Variants in AOAH observed in about 807,000 individuals in gnomAD.
AOAH encodes acyloxyacyl hydrolase.
A neutral mutation model predicts 92.2 loss-of-function variants in AOAH; 64 were observed. The ratio of observed to expected loss-of-function variants is 0.69; its 90% CI spans 0.57 to 0.86. AOAH has a LOEUF of 0.86. Among genes scored for constraint, AOAH ranks in the 40% least tolerant of loss-of-function variants. AOAH has a pLI of 0.00. For missense variants in AOAH, 656 were observed against 694.6 expected, an observed-to-expected ratio of 0.94 and a Z score of 0.62; for synonymous variants, 263 against 254.5, an observed-to-expected ratio of 1.03 and a Z score of -0.32.
chr7:36,537,496 C>T (rs1283224450), intron 16 of AOAH, among the ~76,000 whole-genome samples: 1 of 129,394 alleles, frequency 7.7e-6, no homozygotes, highest in Non-Finnish European at 1.6e-5. Context: ...ATGCTAGTTG[C>T]ACCCCTCTTG....
At chr7:36,595,061 T>C (rs1028495060) in intron 11 of AOAH, among the ~76,000 whole-genome samples, 1 of 152,234 alleles carries the variant, frequency 6.6e-6, no homozygotes, top group African/African-American at 2.4e-5. Context: ...AGGATTCATT[T>C]GAACCACATT....
intron 2 of AOAH, among the ~76,000 whole-genome samples, chr7:36,677,546 T>C (rs963269680): frequency 2.0e-4 from 31 of 152,206 alleles, no homozygotes; most frequent in Admixed American, 4.6e-4. Context: ...CTGTTTAACA[T>C]AGAGTTACTA....
intron 3 of AOAH, among the ~76,000 whole-genome samples, chr7:36,667,686 T>C (rs1003544636): frequency 6.6e-6 from 1 of 152,214 alleles, no homozygotes; most frequent in Non-Finnish European, 1.5e-5. Context: ...GATTCATCTA[T>C]TTATCCTTGC....
rs1246597835 is a variant in AOAH at position 36,532,377 on chromosome 7, C to CA, written c.1307-34dup. ...ACAGAGAGGTCTGGTAGATTGCATC[C>CA]ACTCGGCAATAGCAGCATTTAGAGG... On this transcript the variant is annotated intron_variant, in intron 16 of 20. Coordinates refer to ENST00000617537, the MANE Select transcript of AOAH (RefSeq NM_001637.4). 2.1e-5 allele frequency: 33 copies of CA among 1,608,812 alleles called. No homozygotes were observed. In the African/African-American group the frequency reaches 3.1e-4, roughly 15 times the overall value.
intron 2 of AOAH, among the ~76,000 whole-genome samples, chr7:36,676,402 C>CA (rs1254388830): frequency 6.6e-6 from 1 of 151,862 alleles, no homozygotes; most frequent in Non-Finnish European, 1.5e-5. Flanking sequence ...CAAACTTAAC[C>CA]AAAAAAAGTG....
chr7:36,631,587 T>C (rs902883100), intron 6 of AOAH, among the ~76,000 whole-genome samples: 2 of 152,210 alleles, frequency 1.3e-5, no homozygotes, highest in African/African-American at 4.8e-5. Flanking sequence ...AGCCAGATTT[T>C]TCATGTAATA....
At position 36,520,876 on chromosome 7, in the gene AOAH, A is replaced by G. The variant is rs143991814; in HGVS notation, c.1599+1163T>C. On this transcript the variant is annotated intron_variant, in intron 20 of 20. Transcript: ENST00000617537. ...CAGGAAGGTTAGAAATTCTGAGGGCATTATTCTGATTTTTTGTGTGTGGCT... is the reference window on the plus strand; with the variant it reads ...CAGGAAGGTTAGAAATTCTGAGGGCGTTATTCTGATTTTTTGTGTGTGGCT... 4.7e-3 allele frequency among the ~76,000 whole-genome samples: 719 copies of G among 152,320 alleles called. 3 individuals carry two copies. Among genetic ancestry groups the G allele is most frequent in the Non-Finnish European group, 7.2e-3 (492 of 68,028 alleles).
intron 12 of AOAH, among the ~76,000 whole-genome samples, chr7:36,579,118 C>T (rs78810574): frequency 0.092 from 13,909 of 152,002 alleles, 753 homozygotes; most frequent in Admixed American, 0.15. Flanking sequence ...GTGAGAAATC[C>T]GCCTCCATGT....
At chr7:36,521,068 G>A (rs1342593408) in intron 20 of AOAH, among the ~76,000 whole-genome samples, 1 of 152,082 alleles carries the variant, frequency 6.6e-6, no homozygotes, top group Non-Finnish European at 1.5e-5. Flanking sequence ...TAGAGTTGGA[G>A]GAAGGTGGGC....
intron 12 of AOAH, among the ~76,000 whole-genome samples, chr7:36,577,661 T>A (rs1328761794): frequency 1.3e-5 from 2 of 152,344 alleles, no homozygotes; most frequent in African/African-American, 4.8e-5. Flanking sequence ...TCATTTTCTT[T>A]CGCTTAATAT....
At chr7:36,693,981 T>C (rs1797561497) in intron 1 of AOAH, among the ~76,000 whole-genome samples, 1 of 152,218 alleles carries the variant, frequency 6.6e-6, no homozygotes, top group African/African-American at 2.4e-5. Context: ...ATGCCAAACA[T>C]GTTGGAGTGA....
chr7:36,609,690 G>A (rs577959017), intron 11 of AOAH, among the ~76,000 whole-genome samples: 1 of 152,244 alleles, frequency 6.6e-6, no homozygotes, highest in East Asian at 1.9e-4. Context: ...TTGCGGGGGA[G>A]CGTGTGCACA....
intron 11 of AOAH, among the ~76,000 whole-genome samples, chr7:36,611,863 A>G (rs1791482947): frequency 6.6e-6 from 1 of 152,186 alleles, no homozygotes; most frequent in South Asian, 2.1e-4. Flanking sequence ...CACTGTTACT[A>G]TCATCATTTA....
rs184361893 is a variant in AOAH, at chr7:36,681,280, A to G, written c.223+5419T>C. On this transcript the variant is annotated intron_variant, in intron 2 of 20. Coordinates refer to ENST00000617537, the MANE Select transcript of AOAH (RefSeq NM_001637.4). The stretch of plus-strand genomic sequence containing the variant: ...AAGTAAAGCTTATAACAAATTGTGA[A>G]TGTTCAATAGAGGAATAAACAAATA... 8.7e-4 allele frequency among the ~76,000 whole-genome samples: 133 copies of G among 152,332 alleles called. 1 individual carries two copies. The highest frequency in any genetic ancestry group is 1.5e-3 in the Non-Finnish European group (105 of 68,024).
At chr7:36,586,816 C>CT (rs1042515417) in intron 12 of AOAH, among the ~76,000 whole-genome samples, 89 of 152,162 alleles carry the variant, frequency 5.8e-4, no homozygotes, top group African/African-American at 2.0e-3. Context: ...TAACTTGTCA[C>CT]TTTTTTTCTA....
chr7:36,650,404 C>A (rs1179886344), intron 4 of AOAH, among the ~76,000 whole-genome samples: 2 of 152,012 alleles, frequency 1.3e-5, no homozygotes, highest in Non-Finnish European at 2.9e-5. Flanking sequence ...GAAAAGGATG[C>A]AGTTAGAGGG....
At chr7:36,637,943 C>T in intron 4 of AOAH, 33 bp from the exon 5 acceptor site, 1 of 1,533,718 alleles carries the variant, frequency 6.5e-7, no homozygotes, top group Non-Finnish European at 9.0e-7. Flanking sequence ...CATTACAACT[C>T]ATGTTTTATC....
At chr7:36,513,684 C>G (rs1443098247) in intron 20 of AOAH, among the ~76,000 whole-genome samples, 4 of 152,194 alleles carry the variant, frequency 2.6e-5, no homozygotes, top group Non-Finnish European at 5.9e-5. Context: ...GAGGGTGACC[C>G]GGTTGCCATC....
chr7:36,717,943 A>T (rs889088470), intron 1 of AOAH, among the ~76,000 whole-genome samples: 1 of 152,104 alleles, frequency 6.6e-6, no homozygotes, highest in African/African-American at 2.4e-5. Context: ...AGACAAAAGA[A>T]AAAAATAGAT....
Sources: gnomAD v4.1 joint callset for allele counts (sites outside exome capture counted in the v4.1 genomes callset) on GRCh38, gnomAD v4.1.1 for gene constraint, MANE v1.5 for transcripts, NCBI Gene and HGNC (gene_info 2026-07-23, HGNC 2026-07-21) for gene names.